ADAMTS9: variants seen among roughly 807,000 people sequenced by gnomAD.
The protein encoded by ADAMTS9 is A disintegrin and metalloproteinase with thrombospondin motifs 9.
ADAMTS9 carries 107 observed loss-of-function variants against 257.1 expected under a neutral mutation model. The ratio of observed to expected loss-of-function variants is 0.42; its 90% CI spans 0.36 to 0.49. The LOEUF (loss-of-function observed/expected upper bound fraction) is 0.49, where lower values mean the gene tolerates loss of function less well. Among genes scored for constraint, ADAMTS9 ranks in the 20% least tolerant of loss-of-function variants. The pLI, the probability that ADAMTS9 is intolerant of heterozygous loss-of-function variation, is 0.03. For synonymous variants in ADAMTS9, 982 were observed against 880.9 expected (o/e 1.11, Z -2.03); for missense variants, 2,353 against 2,469.1 (o/e 0.95, Z 1.00).
At position 64,681,246 on chromosome 3, in the gene ADAMTS9, G is replaced by A. The variant is rs112211146; in HGVS notation, c.634C>T (p.Pro212Ser). ...CTTCCTGTTGAGGGCTCTCTCTGGG[G>A]GGCGCTGCGCCTATAAATGATGTGG... is the stretch of plus-strand genomic sequence containing the variant. Reference protein sequence around the residue: ...KPHIIYRRSAPQREPSTGRHA... With the variant: ...KPHIIYRRSASQREPSTGRHA... The change falls in exon 3 of 40, where the codon CCC becomes TCC. Residue 212 changes from proline to serine, a missense_variant. Pro to Ser is a moderately conservative substitution (Grantham distance 74). Around this residue, in one of 3 missense-constraint regions of ADAMTS9, gnomAD observed 591 missense variants for 569.6 expected, o/e 1.04. Transcript: ENST00000498707. 1 of 1,613,750 alleles carries A rather than the reference G, an allele frequency of 6.2e-7. No homozygotes were observed. The highest frequency in any genetic ancestry group is 1.3e-5 in the African/African-American group (1 of 74,882).
At chr3:64,652,346 G>A (rs1017081109) in intron 8 of ADAMTS9, among the ~76,000 whole-genome samples, 1 of 152,146 alleles carries the variant, frequency 6.6e-6, no homozygotes, top group African/African-American at 2.4e-5. Flanking sequence ...CTCGATCTTA[G>A]TTGAACTTAG....
At chr3:64,682,457 AAATGAT>A (rs1207957401) in intron 2 of ADAMTS9, among the ~76,000 whole-genome samples, 1 of 152,182 alleles carries the variant, frequency 6.6e-6, no homozygotes, top group Non-Finnish European at 1.5e-5. Flanking sequence ...AAGTTTTTAC[AAATGAT>A]AAATGATACC....
At chr3:64,564,690 TC>T (rs1273100906) in intron 29 of ADAMTS9, among the ~76,000 whole-genome samples, 2 of 151,824 alleles carry the variant, frequency 1.3e-5, no homozygotes, top group African/African-American at 4.8e-5. Flanking sequence ...AGATGCTAGT[TC>T]CCCCTTATTC....
intron 22 of ADAMTS9, among the ~76,000 whole-genome samples, chr3:64,610,816 C>T (rs2084651375): frequency 6.6e-6 from 1 of 151,980 alleles, no homozygotes; most frequent in South Asian, 2.1e-4. Context: ...GTGTCTTAGG[C>T]CTGTAATCCC....
chr3:64,523,373 C>G (rs1029231922), intron 38 of ADAMTS9, among the ~76,000 whole-genome samples: 23 of 152,116 alleles, frequency 1.5e-4, no homozygotes, highest in African/African-American at 5.3e-4. Flanking sequence ...AAGAATTAGA[C>G]TCTATGAAGA....
At chr3:64,554,637 C>G (rs578103117) in intron 30 of ADAMTS9, among the ~76,000 whole-genome samples, 3 of 152,318 alleles carry the variant, frequency 2.0e-5, no homozygotes, top group Admixed American at 6.5e-5. Context: ...TTCAGTATGG[C>G]TTTTAGAAAA....
At chr3:64,523,415 T>C (rs1391824786) in intron 38 of ADAMTS9, among the ~76,000 whole-genome samples, 1 of 152,116 alleles carries the variant, frequency 6.6e-6, no homozygotes, top group African/African-American at 2.4e-5. Flanking sequence ...AGTGGAACAA[T>C]TTGTGGAATA....
At chr3:64,620,186 C>T (rs1306400826) in intron 19 of ADAMTS9, among the ~76,000 whole-genome samples, 1 of 152,138 alleles carries the variant, frequency 6.6e-6, no homozygotes, top group Non-Finnish European at 1.5e-5. Flanking sequence ...ACCATAACTG[C>T]TCCTCTCACT....
At chr3:64,641,022 C>A (rs1415561472) in intron 12 of ADAMTS9, among the ~76,000 whole-genome samples, 1 of 152,056 alleles carries the variant, frequency 6.6e-6, no homozygotes, top group Non-Finnish European at 1.5e-5. Context: ...CCTCAGCTGT[C>A]TCACCTGTAA....
At chr3:64,635,177 A>G (rs908755895) in intron 12 of ADAMTS9, among the ~76,000 whole-genome samples, 1 of 152,188 alleles carries the variant, frequency 6.6e-6, no homozygotes, top group Non-Finnish European at 1.5e-5. Context: ...CAGCGTGCCC[A>G]GGTCCCACAA....
chr3:64,554,296 A>C (rs570313224), intron 30 of ADAMTS9, among the ~76,000 whole-genome samples: 2 of 152,352 alleles, frequency 1.3e-5, no homozygotes, highest in African/African-American at 2.4e-5. Flanking sequence ...TTTACCTTGA[A>C]TATAACTTTT....
At chr3:64,675,452 A>G (rs1260947863) in intron 3 of ADAMTS9, among the ~76,000 whole-genome samples, 1 of 152,106 alleles carries the variant, frequency 6.6e-6, no homozygotes, top group Admixed American at 6.6e-5. Flanking sequence ...TTCTGTCTCT[A>G]CAGTTTTTGT....
At chr3:64,522,036 G>A in intron 39 of ADAMTS9, 130 bp downstream of exon 39, 1 of 698,394 alleles carries the variant, frequency 1.4e-6, no homozygotes, top group Non-Finnish European at 2.4e-6. Flanking sequence ...AGATAAAAAG[G>A]TAGAACTGTA....
chr3:64,626,387 G>A (rs143353361), intron 16 of ADAMTS9, among the ~76,000 whole-genome samples: 1 of 152,242 alleles, frequency 6.6e-6, no homozygotes, highest in East Asian at 1.9e-4. Context: ...TCATGCATTC[G>A]TTCTCTTGTA....
intron 30 of ADAMTS9, among the ~76,000 whole-genome samples, chr3:64,558,588 G>A (rs751483009): frequency 3.3e-5 from 5 of 152,136 alleles, no homozygotes; most frequent in Non-Finnish European, 4.4e-5. Flanking sequence ...CATGGCCATG[G>A]TGAGGGTGCA....
At chr3:64,660,556 T>C (rs972839101) in intron 3 of ADAMTS9, among the ~76,000 whole-genome samples, 1 of 152,192 alleles carries the variant, frequency 6.6e-6, no homozygotes, top group Non-Finnish European at 1.5e-5. Context: ...ACTCTGGCAC[T>C]ATCCTGCCCC....
rs139844136 is a variant in ADAMTS9, at chr3:64,654,505, T to C, written c.1211-47A>G. On this transcript the variant is annotated intron_variant, in intron 7 of 39. Transcript: ENST00000498707. ...ACAAGGATTTACTCTAAAAAGCAAC[T>C]GTGGCTTGAAATACAAACATGTAGT... 138 of 1,596,648 alleles carry C rather than the reference T, an allele frequency of 8.6e-5. No homozygotes were observed. The East Asian group carries it at 3.0e-3, about 35-fold the overall frequency.
intron 28 of ADAMTS9, chr3:64,568,857 A>G (rs2083607491): frequency 3.9e-6 from 1 of 258,534 alleles, no homozygotes; most frequent in South Asian, 5.6e-5. Context: ...AAGAAGTCCT[A>G]CTATGAAATA....
Position 64,550,932 on chromosome 3 carries a change from T to G in ADAMTS9, c.4829A>C (p.Gln1610Pro). The G allele has an allele frequency of 6.2e-7, 1 of 1,614,186 alleles. No homozygotes were observed. Among genetic ancestry groups the G allele is most frequent in the East Asian group, 2.2e-5 (1 of 44,858 alleles). The change falls in exon 31 of 40, where the codon CAA becomes CCA. Residue 1610 changes from glutamine (Q) to proline (P), a missense_variant. Transcript: ENST00000498707. ...TGTGATCCAGACATACTCGCAGGGT[T>G]GCAAACTACAGCTTTCACGGTCCAC... ...RPVDRESCSLQPCEYVWITGE... is the reference protein window; with the variant it reads ...RPVDRESCSLPPCEYVWITGE...
Sources: gnomAD v4.1 joint callset for allele counts (sites outside exome capture counted in the v4.1 genomes callset) on GRCh38, gnomAD v4.1.1 for gene constraint, gnomAD v4.1.1 regional missense constraint, MANE v1.5 for transcripts, NCBI Gene and HGNC (gene_info 2026-07-23, HGNC 2026-07-21) for gene names.